SPHKAP: variants seen among roughly 807,000 people sequenced by gnomAD.
SPHKAP encodes A-kinase anchor protein SPHKAP.
A neutral mutation model predicts 137.5 loss-of-function variants in SPHKAP; 67 were observed. The observed-to-expected ratio is 0.49, with a 90% CI of 0.40 to 0.60. The LOEUF is 0.60. Ranked by LOEUF, SPHKAP falls within the 20% of genes least tolerant of loss-of-function variation. The pLI is 0.00. For synonymous variants in SPHKAP, 813 were observed against 785.3 expected, an observed-to-expected ratio of 1.04 and a Z score of -0.59; for missense variants, 2,097 against 2,069.3, an observed-to-expected ratio of 1.01 and a Z score of -0.26.
chr2:228,040,114 G>A (rs893649216), intron 3 of SPHKAP, among the ~76,000 whole-genome samples: 3 of 152,020 alleles, frequency 2.0e-5, no homozygotes, highest in African/African-American at 7.3e-5. Flanking sequence ...ATGTCAAATT[G>A]CCTTAAAATC....
chr2:228,056,045 A>G (rs1696429257), intron 3 of SPHKAP, among the ~76,000 whole-genome samples: 1 of 152,216 alleles, frequency 6.6e-6, no homozygotes, highest in Admixed American at 6.5e-5. Context: ...ACTGTGATGC[A>G]TATATTCCTT....
At chr2:228,148,632 G>A (rs1433319304) in intron 1 of SPHKAP, among the ~76,000 whole-genome samples, 3 of 152,000 alleles carry the variant, frequency 2.0e-5, no homozygotes, top group Non-Finnish European at 4.4e-5. Context: ...TAATCCCCTG[G>A]ACCCCACACC....
Position 228,018,772 on chromosome 2 carries a change from G to A in SPHKAP, c.2082C>T (p.Asp694=). Residue 694 remains aspartate (D), a synonymous_variant, in exon 7 of 12, where the codon GAC becomes GAT. Transcript: ENST00000392056. ...CCAGAATTTCAGATGAATGCCTGTT[G>A]TCATTGGGGTCGATTATCATATTTT... is the stretch of plus-strand genomic sequence containing the variant. ...HHKNMIIDPN[D]NRHSSEILDT... 1 of 1,614,208 alleles carries A rather than the reference G, an allele frequency of 6.2e-7. No homozygotes were observed. Among genetic ancestry groups the A allele is most frequent in the African/African-American group, 1.3e-5 (1 of 75,040 alleles).
Position 228,176,859 on chromosome 2 carries a change from G to A in SPHKAP, c.32+4708C>T, listed in dbSNP as rs1700757498. On this transcript the variant is annotated intron_variant, in intron 1 of 11. Coordinates refer to ENST00000392056, the MANE Select transcript of SPHKAP (RefSeq NM_001142644.2). Reference sequence around the variant, plus strand: ...CATTGCACTCCAGCCTGGGCAACAAGAGCGAAACTCCGTCTCAAAAACAAA... The same window carrying A: ...CATTGCACTCCAGCCTGGGCAACAAAAGCGAAACTCCGTCTCAAAAACAAA... 2.0e-5 allele frequency among the ~76,000 whole-genome samples: 3 copies of A among 152,262 alleles called. 1 individual carries two copies. In the East Asian group the frequency reaches 5.8e-4, roughly 29 times the overall value.
At chr2:228,106,807 G>A (rs183920869) in intron 3 of SPHKAP, among the ~76,000 whole-genome samples, 27 of 152,260 alleles carry the variant, frequency 1.8e-4, no homozygotes, top group Admixed American at 8.5e-4. Flanking sequence ...TATGTGCCAA[G>A]CCAGAAAGAC....
intron 9 of SPHKAP, chr2:227,991,659 AT>A: frequency 2.0e-6 from 2 of 985,416 alleles, no homozygotes; most frequent in Non-Finnish European, 2.4e-6. Context: ...TGAAAGAGAG[AT>A]TTTGTGGGTA....
chr2:228,147,774 G>T (rs1699817111), intron 1 of SPHKAP, among the ~76,000 whole-genome samples: 1 of 152,122 alleles, frequency 6.6e-6, no homozygotes, highest in African/African-American at 2.4e-5. Context: ...CAATCATTGT[G>T]ACAGGATTTT....
At chr2:228,146,020 G>A (rs1162026573) in intron 1 of SPHKAP, among the ~76,000 whole-genome samples, 1 of 152,018 alleles carries the variant, frequency 6.6e-6, no homozygotes, top group African/African-American at 2.4e-5. Flanking sequence ...TTTCATCTTA[G>A]GTTTTCTCCC....
At chr2:228,025,635 G>T in intron 4 of SPHKAP, 107 bp from the exon 5 acceptor site, 1 of 1,292,236 alleles carries the variant, frequency 7.7e-7, no homozygotes, top group Non-Finnish European at 1.0e-6. Flanking sequence ...CATACATATA[G>T]ACTGCTTAAT....
chr2:227,990,801 C>T (rs1270703435), intron 11 of SPHKAP, 199 bp downstream of exon 11: 1 of 578,074 alleles, frequency 1.7e-6, no homozygotes, highest in Non-Finnish European at 2.9e-6. Flanking sequence ...CTAGCCAAGA[C>T]AAAGTAAGGA....
At chr2:228,022,925 T>A (rs1694894158) in intron 5 of SPHKAP, among the ~76,000 whole-genome samples, 1 of 152,234 alleles carries the variant, frequency 6.6e-6, no homozygotes, top group African/African-American at 2.4e-5. Context: ...TTTGTATTGC[T>A]TATCTGAAGA....
At chr2:228,037,844 T>C (rs1574785441) in intron 3 of SPHKAP, among the ~76,000 whole-genome samples, 1 of 152,198 alleles carries the variant, frequency 6.6e-6, no homozygotes, top group Admixed American at 6.5e-5. Context: ...AACCTAAATT[T>C]TGGTAGTTTT....
At chr2:228,149,761 G>C (rs1414447422) in intron 1 of SPHKAP, among the ~76,000 whole-genome samples, 4 of 151,806 alleles carry the variant, frequency 2.6e-5, no homozygotes, top group Admixed American at 2.6e-4. Context: ...AATTATTTAT[G>C]TAAATTTTCT....
intron 3 of SPHKAP, among the ~76,000 whole-genome samples, chr2:228,080,908 T>C (rs1697347737): frequency 6.6e-6 from 1 of 152,156 alleles, no homozygotes; most frequent in South Asian, 2.1e-4. Flanking sequence ...TTGTTGGGAA[T>C]GTACAGCTAT....
chr2:228,152,844 C>G (rs940215450), intron 1 of SPHKAP, among the ~76,000 whole-genome samples: 1 of 151,994 alleles, frequency 6.6e-6, no homozygotes, highest in African/African-American at 2.4e-5. Flanking sequence ...TTTTAACTCC[C>G]CTAATATGGT....
chr2:228,075,326 C>T (rs75560150), intron 3 of SPHKAP, among the ~76,000 whole-genome samples: 2 of 152,200 alleles, frequency 1.3e-5, no homozygotes, highest in East Asian at 3.9e-4. Flanking sequence ...GTATATGCAC[C>T]TGCCCTTGTT....
chr2:228,112,624 C>T (rs543901134), intron 2 of SPHKAP, among the ~76,000 whole-genome samples: 2 of 152,136 alleles, frequency 1.3e-5, no homozygotes, highest in South Asian at 4.1e-4. Context: ...AGTCTGAAAC[C>T]TCCCACTGCG....
At chr2:228,054,040 C>T (rs1018472189) in intron 3 of SPHKAP, among the ~76,000 whole-genome samples, 1 of 152,170 alleles carries the variant, frequency 6.6e-6, no homozygotes, top group Non-Finnish European at 1.5e-5. Flanking sequence ...TAAGCTAATA[C>T]ATTTTTCCTC....
chr2:228,130,954 T>C (rs1461596646), intron 2 of SPHKAP, among the ~76,000 whole-genome samples: 2 of 152,144 alleles, frequency 1.3e-5, no homozygotes, highest in Non-Finnish European at 2.9e-5. Flanking sequence ...ATGGAAATAC[T>C]TTTGTAAAAT....
Sources: gnomAD v4.1 joint callset for allele counts (sites outside exome capture counted in the v4.1 genomes callset) on GRCh38, gnomAD v4.1.1 for gene constraint, MANE v1.5 for transcripts, NCBI Gene and HGNC (gene_info 2026-07-23, HGNC 2026-07-21) for gene names.